The following LARP1B variants were observed in gnomAD, a reference collection of about 807,000 sequenced individuals.
LARP1B encodes la-related protein 1B.
A neutral mutation model predicts 114.2 loss-of-function variants in LARP1B; 76 were observed. The ratio of observed to expected loss-of-function variants is 0.67; its 90% CI spans 0.55 to 0.81. LARP1B has a LOEUF of 0.81. Ranked by LOEUF, LARP1B falls within the 30% of genes least tolerant of loss-of-function variation. LARP1B has a pLI of 0.00. For missense variants in LARP1B, 1,014 were observed against 1,075.8 expected, an observed-to-expected ratio of 0.94 and a Z score of 0.80; for synonymous variants, 345 against 348.0, an observed-to-expected ratio of 0.99 and a Z score of 0.10.
At chr4:128,200,460 C>A in intron 16 of LARP1B, 61 bp from the exon 17 acceptor site, 1 of 1,046,440 alleles carries the variant, frequency 9.6e-7, no homozygotes, top group Non-Finnish European at 1.3e-6. Context: ...TATATAACAT[C>A]TGCTGTCTTG....
At chr4:128,177,116 T>C (rs965314245) in intron 13 of LARP1B, among the ~76,000 whole-genome samples, 4 of 152,194 alleles carry the variant, frequency 2.6e-5, no homozygotes, top group South Asian at 2.1e-4. Flanking sequence ...AAATCTCATA[T>C]GCCAGGGTAA....
chr4:128,222,648 A>T (rs1760105199), downstream of LARP1B: 2 of 263,048 alleles, frequency 7.6e-6, no homozygotes, highest in Non-Finnish European at 1.5e-5. Flanking sequence ...AAGGGGAATA[A>T]CTTACTCTTT....
intron 15 of LARP1B, among the ~76,000 whole-genome samples, chr4:128,189,092 T>C (rs1298219860): frequency 1.3e-5 from 2 of 152,102 alleles, no homozygotes; most frequent in African/African-American, 4.8e-5. Flanking sequence ...GAGATGGGTG[T>C]TGAAGCCCCC....
At chr4:128,132,160 A>G (rs1486672627) in intron 11 of LARP1B, among the ~76,000 whole-genome samples, 1 of 152,232 alleles carries the variant, frequency 6.6e-6, no homozygotes, top group Non-Finnish European at 1.5e-5. Flanking sequence ...TCAGATTTTT[A>G]TTAACTGATG....
rs766424768 is a variant in LARP1B, at chr4:128,200,565, C to T, written c.2209C>T (p.Leu737Phe). ...GIGQSQEMNTLFRFWSFFLRD... is the reference protein window; with the variant it reads ...GIGQSQEMNTFFRFWSFFLRD... ...TGGTCAGTCCCAAGAAATGAATACC[C>T]TCTTTCGTTTCTGGTCCTTTTTCCT... Residue 737 changes from leucine to phenylalanine, a missense_variant, in exon 17 of 20, where the codon CTC becomes TTC. By Grantham distance (22) the Leu-to-Phe change is conservative. Transcript: ENST00000326639. The T allele has an allele frequency of 1.3e-6, 2 of 1,591,150 alleles. No homozygotes were observed. Among genetic ancestry groups the T allele is most frequent in the Admixed American group, 1.7e-5 (1 of 57,474 alleles).
intron 15 of LARP1B, among the ~76,000 whole-genome samples, chr4:128,194,840 C>T (rs1753563969): frequency 6.6e-6 from 1 of 151,532 alleles, no homozygotes; most frequent in East Asian, 1.9e-4. Context: ...GCACTCCAAC[C>T]TGGGCAACTG....
At chr4:128,161,567 C>T (rs1235119987) in intron 11 of LARP1B, among the ~76,000 whole-genome samples, 3 of 152,000 alleles carry the variant, frequency 2.0e-5, no homozygotes, top group South Asian at 2.1e-4. Flanking sequence ...CCAACTTCCT[C>T]ATCAGTCCTC....
At chr4:128,102,728 C>G (rs1476552929) in intron 8 of LARP1B, among the ~76,000 whole-genome samples, 1 of 152,168 alleles carries the variant, frequency 6.6e-6, no homozygotes, top group African/African-American at 2.4e-5. Context: ...GGTTCTATAG[C>G]TTACCAGTTG....
Position 128,083,539 on chromosome 4 carries a change from C to T in LARP1B, c.358+1234C>T, listed in dbSNP as rs906884540. ...GGGGCGGCCGGGCAGAGGCGCCCCT[C>T]ACCTCCCGGACGGGGCGGCTGGCGG... On this transcript the variant is annotated intron_variant, in intron 5 of 19. Coordinates refer to ENST00000326639, the MANE Select transcript of LARP1B (RefSeq NM_018078.4). Among the ~76,000 whole-genome samples the T allele has an allele frequency of 2.3e-4, 34 of 149,754 alleles. 1 individual carries two copies. Among genetic ancestry groups the T allele is most frequent in the Non-Finnish European group, 1.2e-4 (8 of 67,076 alleles).
At chr4:128,097,599 G>A (rs759642937) in intron 7 of LARP1B, among the ~76,000 whole-genome samples, 6 of 152,142 alleles carry the variant, frequency 3.9e-5, no homozygotes, top group Non-Finnish European at 8.8e-5. Context: ...CAGCCACCGC[G>A]CCTGGCCATG....
chr4:128,077,698 A>C (rs540028825), intron 3 of LARP1B, 90 bp from the exon 4 acceptor site: 3 of 1,321,050 alleles, frequency 2.3e-6, no homozygotes, highest in East Asian at 2.5e-5. Flanking sequence ...TTTGTTTTGC[A>C]ATTTTAGGTT....
chr4:128,212,187 A>G (rs1390028020), downstream of LARP1B, among the ~76,000 whole-genome samples: 1 of 151,972 alleles, frequency 6.6e-6, no homozygotes, highest in African/African-American at 2.4e-5. Context: ...TGCTTGAATT[A>G]CAGGCATGAT....
chr4:128,128,200 A>C (rs1454512273), intron 11 of LARP1B, among the ~76,000 whole-genome samples: 1 of 152,220 alleles, frequency 6.6e-6, no homozygotes, highest in Non-Finnish European at 1.5e-5. Flanking sequence ...TAAAATCTTC[A>C]TGACCTTGGA....
chr4:128,211,469 A>G lies in LARP1B; in HGVS notation c.*1416A>G. ...AAGTTATTTCTCATGATAAGTAATA[A>G]TCAGCAGTTTTATAATATTTACTAT... On this transcript the variant is annotated 3_prime_UTR_variant, in exon 20 of 20. Transcript: ENST00000326639. 1 of 917,560 alleles carries G rather than the reference A, an allele frequency of 1.1e-6. No individual in the cohort carries two copies. The highest frequency in any genetic ancestry group is 1.3e-6 in the Non-Finnish European group (1 of 768,166). 56.8% of individuals were successfully genotyped at this position (917,560 alleles called of 1,614,324 possible).
chr4:128,121,292 TTCTA>T (rs927693805), intron 10 of LARP1B, among the ~76,000 whole-genome samples: 1 of 152,222 alleles, frequency 6.6e-6, no homozygotes, highest in African/African-American at 2.4e-5. Flanking sequence ...AAGACCTTGA[TTCTA>T]TCTATCTGTC....
rs1395900323 is a variant in LARP1B, at chr4:128,129,344, G to A, written c.1524+7156G>A. On this transcript the variant is annotated intron_variant, in intron 11 of 19. Transcript: ENST00000326639. ...AGCCTGGGCGACAGAGCAAGACTCC[G>A]TCTCAAAAAAAAAAAAAAAAGGAAT... Among the ~76,000 whole-genome samples, 6 of 95,592 alleles carry A rather than the reference G, an allele frequency of 6.3e-5. No homozygotes were observed. The East Asian group carries it at 1.1e-3, about 17-fold the overall frequency. 62.7% of individuals were successfully genotyped at this position (95,592 alleles called of 152,430 possible).
chr4:128,128,042 T>G (rs1790223941), intron 11 of LARP1B, among the ~76,000 whole-genome samples: 1 of 152,192 alleles, frequency 6.6e-6, no homozygotes, highest in South Asian at 2.1e-4. Context: ...AATAGTTGTT[T>G]CAACAACTGG....
In LARP1B at chr4:128,077,856, A is replaced by C. The variant is rs1768614212; in HGVS notation, c.111A>C (p.Glu37Asp). Residue 37 changes from glutamate to aspartate, a missense_variant, in exon 4 of 20, where the codon GAA becomes GAC. Glu to Asp is a conservative substitution (Grantham distance 45). Coordinates refer to ENST00000326639, the MANE Select transcript of LARP1B (RefSeq NM_018078.4). The part of the protein sequence containing the change: ...QNRKEKEEKV[E>D]KRSNSDSKEN... ...GAAAAGAAAAAGAAGAGAAGGTTGA[A>C]AAGAGAAGTAACAGTGACAGCAAAG... 6.2e-7 allele frequency: 1 copy of C among 1,612,620 alleles called. No individual in the cohort carries two copies. The highest frequency in any genetic ancestry group is 1.1e-5 in the South Asian group (1 of 90,732).
intron 7 of LARP1B, among the ~76,000 whole-genome samples, chr4:128,221,841 C>A (rs938326849): frequency 2.0e-5 from 3 of 152,138 alleles, no homozygotes; most frequent in Admixed American, 6.6e-5. Flanking sequence ...TGAGTTGAAT[C>A]CTGGCCCCTC....
Sources: gnomAD v4.1 joint callset for allele counts (sites outside exome capture counted in the v4.1 genomes callset) on GRCh38, gnomAD v4.1.1 for gene constraint, MANE v1.5 for transcripts, NCBI Gene and HGNC (gene_info 2026-07-23, HGNC 2026-07-21) for gene names.